The following SLIT2 variants were observed in gnomAD, a reference collection of about 807,000 sequenced individuals.
The protein encoded by SLIT2 is slit guidance ligand 2.
SLIT2 carries 41 observed loss-of-function variants against 185.7 expected under a neutral mutation model. The ratio of observed to expected loss-of-function variants is 0.22; its 90% CI spans 0.17 to 0.29. SLIT2 has a LOEUF of 0.29. Ranked by LOEUF, SLIT2 falls within the 10% of genes least tolerant of loss-of-function variation. The pLI, the probability that SLIT2 is intolerant of heterozygous loss-of-function variation, is 1.00. For missense variants in SLIT2, 1,571 were observed against 1,909.0 expected, an observed-to-expected ratio of 0.82 and a Z score of 3.30; for synonymous variants, 693 against 680.2, an observed-to-expected ratio of 1.02 and a Z score of -0.29.
In SLIT2 at chr4:20,349,698, G is replaced by A. The variant is rs192051550; in HGVS notation, c.395+80817G>A. Among the ~76,000 whole-genome samples, 188 of 152,222 alleles carry A rather than the reference G, an allele frequency of 1.2e-3. 3 individuals carry two copies. Among genetic ancestry groups the A allele is most frequent in the African/African-American group, 4.3e-3 (177 of 41,528 alleles). ...CACAGATTGAGAACCATAATCTTAG[G>A]ACTTTTATATTTGAATTTCTTATTA... On this transcript the variant is annotated intron_variant, in intron 4 of 36. Transcript: ENST00000504154.
chr4:20,617,714 A>C, intron 36 of SLIT2, 64 bp downstream of exon 36: 3 of 1,113,544 alleles, frequency 2.7e-6, no homozygotes, highest in Non-Finnish European at 2.6e-6. Flanking sequence ...ATGTCTTTGA[A>C]AAGAGAGGGA....
rs528158631 is a variant in SLIT2 at position 20,292,008 on chromosome 4, A to G, written c.395+23127A>G. Reference sequence around the variant, plus strand: ...TGCTGAAGAGGAGAATGGATAGACTATGGCTGGACTATGGCTGAGATTTGT... The same window carrying G: ...TGCTGAAGAGGAGAATGGATAGACTGTGGCTGGACTATGGCTGAGATTTGT... On this transcript the variant is annotated intron_variant, in intron 4 of 36. Coordinates refer to ENST00000504154, the MANE Select transcript of SLIT2 (RefSeq NM_004787.4). 8.6e-5 allele frequency among the ~76,000 whole-genome samples: 13 copies of G among 151,856 alleles called. No homozygotes were observed. In the East Asian group the frequency reaches 1.9e-3, roughly 23 times the overall value.
chr4:20,496,696 GA>G (rs1407935585), intron 9 of SLIT2, among the ~76,000 whole-genome samples: 1 of 152,060 alleles, frequency 6.6e-6, no homozygotes, highest in Non-Finnish European at 1.5e-5. Context: ...ATGAAGGCAG[GA>G]ACCAGTTCTG....
intron 4 of SLIT2, among the ~76,000 whole-genome samples, chr4:20,455,911 A>T (rs1713012568): frequency 2.0e-5 from 3 of 152,172 alleles, no homozygotes; most frequent in Admixed American, 6.5e-5. Flanking sequence ...ATTTCTAGGC[A>T]TTTTTTCAAC....
At chr4:20,462,387 A>G (rs1160493475) in intron 4 of SLIT2, among the ~76,000 whole-genome samples, 1 of 152,188 alleles carries the variant, frequency 6.6e-6, no homozygotes, top group Non-Finnish European at 1.5e-5. Flanking sequence ...CTTGTCTTCA[A>G]TCCTAACTCT....
intron 4 of SLIT2, among the ~76,000 whole-genome samples, chr4:20,386,964 C>A (rs2109355639): frequency 6.6e-6 from 1 of 152,288 alleles, no homozygotes; most frequent in South Asian, 2.1e-4. Context: ...GGATTCCTCT[C>A]AGTATGATTT....
intron 5 of SLIT2, among the ~76,000 whole-genome samples, chr4:20,475,035 A>G (rs887388208): frequency 6.6e-6 from 1 of 151,790 alleles, no homozygotes; most frequent in Non-Finnish European, 1.5e-5. Context: ...GAAAGAGCAG[A>G]GATGATTATT....
chr4:20,580,334 G>A (rs971775998), intron 29 of SLIT2, among the ~76,000 whole-genome samples: 9 of 151,314 alleles, frequency 5.9e-5, no homozygotes, highest in East Asian at 1.9e-4. Flanking sequence ...CACTGTGCCC[G>A]GTTGATATAA....
Position 20,393,600 on chromosome 4 carries a change from C to CT in SLIT2, c.396-74151dup, listed in dbSNP as rs1466704618. 2.0e-5 allele frequency: 3 copies of CT among 152,094 alleles called. No individual in the cohort carries two copies. The South Asian group carries it at 6.2e-4, about 31-fold the overall frequency. The allele number at this position is 152,094 out of a possible 1,614,324, so 9.4% of individuals were successfully genotyped here. A position where few individuals can be genotyped will look rare whatever the true frequency, so the allele number is the denominator to read the frequency against. On this transcript the variant is annotated intron_variant, in intron 4 of 36. Coordinates refer to ENST00000504154, the MANE Select transcript of SLIT2 (RefSeq NM_004787.4). ...CAGGCTTGTTCTGAGGTTCACCCGA[C>CT]TCCACTGCATGTATTACGTGCATGT...
intron 5 of SLIT2, among the ~76,000 whole-genome samples, chr4:20,472,289 T>TATAG (rs1715215787): frequency 3.4e-5 from 1 of 29,362 alleles, no homozygotes; most frequent in Non-Finnish European, 5.1e-5. Context: ...TATATATAGA[T>TATAG]ATATAGATAT....
chr4:20,442,992 GT>G (rs1411114963), intron 4 of SLIT2, among the ~76,000 whole-genome samples: 2 of 152,108 alleles, frequency 1.3e-5, no homozygotes, highest in Admixed American at 6.6e-5. Context: ...TAGTTTAAAA[GT>G]GACGAGAATA....
At chr4:20,490,726 A>T (rs1339005266) in intron 8 of SLIT2, 5 of 1,047,652 alleles carry the variant, frequency 4.8e-6, no homozygotes, top group Non-Finnish European at 7.0e-6. Context: ...TTTTTTAAAA[A>T]ATTAAATAAT....
At chr4:20,456,391 TTTCTTC>T (rs1713074611) in intron 4 of SLIT2, among the ~76,000 whole-genome samples, 1 of 152,128 alleles carries the variant, frequency 6.6e-6, no homozygotes, top group Non-Finnish European at 1.5e-5. Context: ...TAATTGTCCA[TTTCTTC>T]TTACCAGACC....
At chr4:20,515,771 G>T (rs1395588748) in intron 11 of SLIT2, among the ~76,000 whole-genome samples, 3 of 151,960 alleles carry the variant, frequency 2.0e-5, no homozygotes, top group Non-Finnish European at 4.4e-5. Flanking sequence ...CATCTTATAG[G>T]TTGCTGTTTT....
At chr4:20,440,577 G>T (rs1729672427) in intron 4 of SLIT2, among the ~76,000 whole-genome samples, 1 of 152,026 alleles carries the variant, frequency 6.6e-6, no homozygotes, top group Non-Finnish European at 1.5e-5. Flanking sequence ...ACAACGCAAT[G>T]AATAAAAATG....
At chr4:20,560,866 T>C (rs1000456907) in intron 26 of SLIT2, among the ~76,000 whole-genome samples, 9 of 152,000 alleles carry the variant, frequency 5.9e-5, no homozygotes, top group Admixed American at 2.0e-4. Flanking sequence ...CAAGGCACTG[T>C]GTCTAGGTGA....
chr4:20,356,628 G>A (rs909780717), intron 4 of SLIT2, among the ~76,000 whole-genome samples: 1 of 152,136 alleles, frequency 6.6e-6, no homozygotes, highest in Non-Finnish European at 1.5e-5. Flanking sequence ...ATTTCTCCCT[G>A]TATTACTCTA....
At chr4:20,387,984 AC>A (rs1312845774) in intron 4 of SLIT2, among the ~76,000 whole-genome samples, 2 of 149,878 alleles carry the variant, frequency 1.3e-5, no homozygotes, top group African/African-American at 5.0e-5. Context: ...AAACAAAAAA[AC>A]ACGTTTCATC....
At chr4:20,523,598 C>T (rs564415768) in intron 12 of SLIT2, among the ~76,000 whole-genome samples, 162 bp from the exon 13 acceptor site, 1 of 152,232 alleles carries the variant, frequency 6.6e-6, no homozygotes, top group Admixed American at 6.5e-5. Context: ...TGGTAAAACC[C>T]CACATCTCTA....
Sources: allele counts gnomAD v4.1 joint callset (sites outside exome capture counted in the v4.1 genomes callset), GRCh38; gene constraint gnomAD v4.1.1; transcripts MANE v1.5; gene names NCBI Gene and HGNC (gene_info 2026-07-23, HGNC 2026-07-21).